MAK: variants seen among roughly 807,000 people sequenced by gnomAD.
MAK encodes the protein male germ cell associated kinase, also known as serine/threonine-protein kinase MAK.
MAK carries 65 observed loss-of-function variants against 82.6 expected under a neutral mutation model. The observed-to-expected ratio is 0.79, with a 90% confidence interval of 0.64 to 0.97. MAK has a LOEUF of 0.97. Among genes scored for constraint, MAK ranks in the 50% least tolerant of loss-of-function variants. The pLI is 0.00. For missense variants in MAK, 703 were observed against 780.2 expected (o/e 0.90, Z 1.18); for synonymous variants, 250 against 274.2 (o/e 0.91, Z 0.87).
chr6:10,776,369 G>A lies in MAK; in HGVS notation c.1466-910C>T, dbSNP rs1773457637. On this transcript the variant is annotated intron_variant, in intron 11 of 14. Transcript: ENST00000354489. The surrounding 1 kb of genome is among the most constrained non-coding windows in gnomAD (Gnocchi z 4.3). ...CTGTGAAATGTCCATTCAGCCTTGGGCCGTGATACTAGTGGTCAAAGGGAG... is the reference window on the plus strand; with the variant it reads ...CTGTGAAATGTCCATTCAGCCTTGGACCGTGATACTAGTGGTCAAAGGGAG... Among the ~76,000 whole-genome samples the A allele has an allele frequency of 6.6e-6, 1 of 152,208 alleles. No individual in the cohort carries two copies. Among genetic ancestry groups the A allele is most frequent in the Admixed American group, 6.5e-5 (1 of 15,278 alleles).
intron 9 of MAK, 41 bp downstream of exon 9, chr6:10,795,957 G>A (rs2127547947): frequency 1.3e-6 from 2 of 1,594,544 alleles, no homozygotes; most frequent in Non-Finnish European, 1.7e-6. Flanking sequence ...AATTGCACGA[G>A]TCAAACTATT....
intron 10 of MAK, among the ~76,000 whole-genome samples, chr6:10,788,648 A>T (rs1303541381): frequency 2.0e-5 from 3 of 152,120 alleles, no homozygotes; most frequent in African/African-American, 7.2e-5. Context: ...AGACAGGAGA[A>T]TTGCTTGAAC....
intron 2 of MAK, among the ~76,000 whole-genome samples, chr6:10,821,973 C>T (rs1429167315): frequency 1.3e-5 from 2 of 149,840 alleles, no homozygotes; most frequent in African/African-American, 2.5e-5. Flanking sequence ...GGGTGAAACC[C>T]CATCTCTACT....
intron 11 of MAK, among the ~76,000 whole-genome samples, chr6:10,783,248 C>T (rs1774169012): frequency 7.2e-5 from 11 of 151,984 alleles, no homozygotes; most frequent in Admixed American, 7.2e-4. Flanking sequence ...GAAACATTTC[C>T]TTTTTATTTG....
At chr6:10,818,837 C>A in intron 3 of MAK, 49 bp downstream of exon 3, 1 of 955,266 alleles carries the variant, frequency 1.0e-6, no homozygotes, top group South Asian at 1.3e-5. Flanking sequence ...CTACGGTCCT[C>A]AGGTAGTGTT....
Position 10,791,696 on chromosome 6 carries a change from CTTTTTTCT to C in MAK, c.1287_1294del (p.Lys433PhefsTer32), listed in dbSNP as rs1464848732. 1 of 1,613,104 alleles carries C rather than the reference CTTTTTTCT, an allele frequency of 6.2e-7. No individual in the cohort carries two copies. The highest frequency in any genetic ancestry group is 1.7e-5 in the Admixed American group (1 of 59,808). ...TTACCGAAATGGAGAATCTTTTTTC[CTTTTTTCT>C]TTAAAAACACCCATGCTTGGCTTCT... On this transcript the variant is annotated frameshift_variant, in exon 10 of 15. Transcript: ENST00000354489. LOFTEE classifies it high-confidence loss of function.
intron 2 of MAK, chr6:10,827,646 A>C (rs1002548044): frequency 6.6e-6 from 1 of 152,042 alleles, no homozygotes; most frequent in Non-Finnish European, 1.5e-5. Flanking sequence ...GTTTCTTTTT[A>C]TTCCTATTTG....
chr6:10,806,419 C>T (rs560328129), intron 6 of MAK, among the ~76,000 whole-genome samples: 3 of 152,096 alleles, frequency 2.0e-5, no homozygotes, highest in African/African-American at 7.2e-5. Flanking sequence ...AGCTCCGCCT[C>T]CCAGGTTAAC....
chr6:10,764,459 T>G lies in MAK; in HGVS notation c.1940A>C (p.His647Pro). The change falls in exon 15 of 15, where the codon CAC becomes CCC. Residue 647 changes from histidine to proline, a missense_variant. Transcript: ENST00000354489. ...GTTTCACACCATAGACTCCTACCGG[T>G]GGCCTCCATACTTGGCCACCCAGTC... is the stretch of plus-strand genomic sequence containing the variant. ...RTDWVAKYGG[H>P]R 5 of 1,613,944 alleles carry G rather than the reference T, an allele frequency of 3.1e-6. No homozygotes were observed. Among genetic ancestry groups the G allele is most frequent in the Non-Finnish European group, 4.2e-6 (5 of 1,179,944 alleles).
chr6:10,778,902 C>T (rs988983788), intron 11 of MAK, among the ~76,000 whole-genome samples: 1 of 151,684 alleles, frequency 6.6e-6, no homozygotes, highest in African/African-American at 2.4e-5. Context: ...CTGAGGTGGG[C>T]GGATCACTTG....
chr6:10,768,303 G>A (rs1481040953), intron 14 of MAK, among the ~76,000 whole-genome samples: 2 of 152,146 alleles, frequency 1.3e-5, no homozygotes, highest in Non-Finnish European at 2.9e-5. Flanking sequence ...GTGGCCGGGT[G>A]CAGTGGTTCA....
At chr6:10,792,339 G>C (rs1471262951) in intron 9 of MAK, among the ~76,000 whole-genome samples, 2 of 152,262 alleles carry the variant, frequency 1.3e-5, no homozygotes, top group Admixed American at 1.3e-4. Flanking sequence ...ACCTGCTCAG[G>C]GTGGTGGAGC....
chr6:10,832,826 T>G (rs1203551717), intron 1 of MAK, among the ~76,000 whole-genome samples: 5 of 152,144 alleles, frequency 3.3e-5, no homozygotes, highest in Admixed American at 3.3e-4. Context: ...AATTAAGGTA[T>G]GTATGTTATT....
intron 9 of MAK, among the ~76,000 whole-genome samples, chr6:10,794,423 A>G (rs1301645167): frequency 6.6e-6 from 1 of 152,224 alleles, no homozygotes; most frequent in East Asian, 1.9e-4. Context: ...ACAAATAAAC[A>G]ATAAACATAA....
At chr6:10,837,866 C>T (rs375267062) in intron 1 of MAK, among the ~76,000 whole-genome samples, 1 of 152,144 alleles carries the variant, frequency 6.6e-6, no homozygotes, top group African/African-American at 2.4e-5. Context: ...CTCCAGGGAC[C>T]GCGTGGTGGA....
At chr6:10,775,210 C>A (rs1773358566) in intron 12 of MAK, 118 bp downstream of exon 12, 1 of 1,244,894 alleles carries the variant, frequency 8.0e-7, no homozygotes, top group African/African-American at 1.5e-5. Context: ...TAGTGGAAAA[C>A]CTTTGTGTAT....
chr6:10,773,305 C>T (rs1179133145), intron 12 of MAK, among the ~76,000 whole-genome samples, 197 bp from the exon 13 acceptor site: 2 of 152,148 alleles, frequency 1.3e-5, no homozygotes, highest in Non-Finnish European at 2.9e-5. Context: ...GTTCTACTGT[C>T]ATTTAATTGA....
chr6:10,818,016 A>C (rs1777626416), intron 3 of MAK, 45 bp from the exon 4 acceptor site: 6 of 1,314,822 alleles, frequency 4.6e-6, no homozygotes, highest in Non-Finnish European at 6.3e-6. Context: ...AAAAAAACTT[A>C]CAGAATTTGG....
At chr6:10,823,564 C>G (rs886712655) in intron 2 of MAK, among the ~76,000 whole-genome samples, 1 of 152,194 alleles carries the variant, frequency 6.6e-6, no homozygotes, top group African/African-American at 2.4e-5. Flanking sequence ...GAGTCTCACT[C>G]TGTTGCCTGG....
Sources: allele counts gnomAD v4.1 joint callset (sites outside exome capture counted in the v4.1 genomes callset), GRCh38; gene constraint gnomAD v4.1.1; non-coding constraint Gnocchi (gnomAD v3.1); transcripts MANE v1.5; gene names NCBI Gene and HGNC (gene_info 2026-07-23, HGNC 2026-07-21).